MOGAT1: variants seen among roughly 807,000 people sequenced by gnomAD.
The protein encoded by MOGAT1 is monoacylglycerol O-acyltransferase 1, also known as 2-acylglycerol O-acyltransferase 1.
A neutral mutation model predicts 31.4 loss-of-function variants in MOGAT1; 32 were observed. The ratio of observed to expected loss-of-function variants is 1.02; its 90% CI spans 0.77 to 1.37. The LOEUF (loss-of-function observed/expected upper bound fraction) is 1.37, where lower values mean the gene tolerates loss of function less well. Ranked by LOEUF, MOGAT1 falls within the 40% of genes most tolerant of loss-of-function variation. MOGAT1 has a pLI of 0.00. For synonymous variants in MOGAT1, 145 were observed against 144.5 expected (o/e 1.00, Z -0.03); for missense variants, 426 against 402.0 (o/e 1.06, Z -0.51).
intron 1 of MOGAT1, among the ~76,000 whole-genome samples, chr2:222,674,135 C>T (rs1426375771): frequency 1.3e-5 from 2 of 152,214 alleles, no homozygotes; most frequent in African/African-American, 2.4e-5. Flanking sequence ...CACATGTGAC[C>T]GCATGTGAGT....
chr2:222,674,987 A>G (rs945850266), intron 1 of MOGAT1, among the ~76,000 whole-genome samples: 3 of 152,304 alleles, frequency 2.0e-5, no homozygotes, highest in African/African-American at 7.2e-5. Context: ...CACTTTTACT[A>G]GCAATTTCTT....
chr2:222,690,556 C>T (rs1692743904), intron 3 of MOGAT1, among the ~76,000 whole-genome samples: 1 of 151,588 alleles, frequency 6.6e-6, no homozygotes, highest in African/African-American at 2.4e-5. Context: ...TACTCCGTCT[C>T]AAAAAAGAAA....
chr2:222,693,339 A>G (rs113509509), intron 3 of MOGAT1, among the ~76,000 whole-genome samples: 2,090 of 152,322 alleles, frequency 0.014, 23 homozygotes, highest in Non-Finnish European at 0.021. Flanking sequence ...CCTGAAATAC[A>G]GACCGAACAA....
intron 1 of MOGAT1, chr2:222,678,387 T>C (rs908890266): frequency 1.4e-4 from 22 of 152,254 alleles, no homozygotes; most frequent in Admixed American, 1.3e-3. Context: ...CTATTCCTTG[T>C]TGAAGTATCT....
In MOGAT1 at chr2:222,695,165, A is replaced by T; in HGVS notation, c.730A>T (p.Ile244Phe). Reference protein sequence around the residue: ...KQTDNPEGSWIRTVQNKLQKI... With the variant: ...KQTDNPEGSWFRTVQNKLQKI... Reference sequence around the variant, plus strand: ...AACTGACAACCCTGAAGGATCATGGATTAGAACTGTTCAGAATAAACTGCA... The same window carrying T: ...AACTGACAACCCTGAAGGATCATGGTTTAGAACTGTTCAGAATAAACTGCA... The change falls in exon 5 of 6, where the codon ATT becomes TTT. Residue 244 changes from isoleucine to phenylalanine, a missense_variant. By Grantham distance (21) the Ile-to-Phe change is conservative. Coordinates refer to ENST00000446656, the MANE Select transcript of MOGAT1 (RefSeq NM_058165.3). 6.2e-7 allele frequency: 1 copy of T among 1,613,726 alleles called. No individual in the cohort carries two copies. The highest frequency in any genetic ancestry group is 8.5e-7 in the Non-Finnish European group (1 of 1,179,756).
chr2:222,700,871 C>T (rs1009940136), intron 5 of MOGAT1, among the ~76,000 whole-genome samples: 3 of 152,206 alleles, frequency 2.0e-5, no homozygotes, highest in South Asian at 2.1e-4. Flanking sequence ...GACTCCCTGA[C>T]GTGAATTCTC....
chr2:222,675,924 A>T (rs1434854586), intron 1 of MOGAT1, among the ~76,000 whole-genome samples: 2 of 152,192 alleles, frequency 1.3e-5, no homozygotes, highest in East Asian at 3.8e-4. Flanking sequence ...TTGATACAAT[A>T]GTTACTTCCA....
At chr2:222,682,004 T>A (rs1692587465) in intron 1 of MOGAT1, among the ~76,000 whole-genome samples, 1 of 152,208 alleles carries the variant, frequency 6.6e-6, no homozygotes, top group East Asian at 1.9e-4. Context: ...CGAGGGTAAT[T>A]GCATGTTAAC....
intron 5 of MOGAT1, among the ~76,000 whole-genome samples, chr2:222,703,015 T>C (rs1465772945): frequency 1.3e-5 from 2 of 152,182 alleles, no homozygotes; most frequent in African/African-American, 4.8e-5. Flanking sequence ...CTCTAGCCTC[T>C]TAGGGTCACT....
At chr2:222,675,207 A>C (rs1025177280) in intron 1 of MOGAT1, among the ~76,000 whole-genome samples, 6 of 152,194 alleles carry the variant, frequency 3.9e-5, no homozygotes, top group African/African-American at 1.4e-4. Flanking sequence ...AAAAGATGGA[A>C]GTTAGAGCTA....
intron 5 of MOGAT1, among the ~76,000 whole-genome samples, chr2:222,702,516 T>C (rs976992729): frequency 2.0e-5 from 3 of 152,108 alleles, no homozygotes; most frequent in African/African-American, 4.8e-5. Flanking sequence ...ATAATGCACA[T>C]GTATATACAC....
intron 5 of MOGAT1, among the ~76,000 whole-genome samples, chr2:222,706,202 G>C (rs1477077845): frequency 6.6e-6 from 1 of 152,202 alleles, no homozygotes; most frequent in Non-Finnish European, 1.5e-5. Context: ...GCTGGGCGTG[G>C]TGGCTCACGC....
intron 3 of MOGAT1, among the ~76,000 whole-genome samples, chr2:222,693,664 CT>C (rs1440761668): frequency 6.6e-6 from 1 of 151,958 alleles, no homozygotes; most frequent in East Asian, 1.9e-4. Flanking sequence ...GGAAACTCCT[CT>C]TTATGAAACA....
intron 1 of MOGAT1, among the ~76,000 whole-genome samples, chr2:222,673,542 C>T (rs1692453672): frequency 6.6e-6 from 1 of 152,164 alleles, no homozygotes; most frequent in Admixed American, 6.5e-5. Flanking sequence ...ACTATTCCTA[C>T]ACTCCTGGTA....
rs776650903 is a variant in MOGAT1 at position 222,688,438 on chromosome 2, T to G, written c.189T>G (p.His63Gln). 2 of 1,613,870 alleles carry G rather than the reference T, an allele frequency of 1.2e-6. No homozygotes were observed. The highest frequency in any genetic ancestry group is 1.7e-6 in the Non-Finnish European group (2 of 1,179,824). ...TGATGTGGCTTTACTTTGACTGGCATACCCCAGAGCGAGGAGGCAGGAGAT... is the reference window on the plus strand; with the variant it reads ...TGATGTGGCTTTACTTTGACTGGCAGACCCCAGAGCGAGGAGGCAGGAGAT... ...PYLMWLYFDW[H>Q]TPERGGRRSS... Residue 63 changes from histidine (H) to glutamine (Q), a missense_variant, in exon 2 of 6, where the codon CAT becomes CAG. Transcript: ENST00000446656.
intron 5 of MOGAT1, among the ~76,000 whole-genome samples, chr2:222,704,440 C>T (rs1391396797): frequency 1.3e-5 from 2 of 151,796 alleles, no homozygotes; most frequent in African/African-American, 2.4e-5. Flanking sequence ...CTGGCTAACA[C>T]GGTGAAACCC....
intron 1 of MOGAT1, among the ~76,000 whole-genome samples, chr2:222,686,884 G>A (rs941590079): frequency 3.9e-5 from 6 of 151,972 alleles, no homozygotes; most frequent in East Asian, 1.9e-4. Flanking sequence ...AGGCTGAGGC[G>A]GGTGGATCAC....
At chr2:222,688,686 A>AT (rs111226120) in intron 2 of MOGAT1, among the ~76,000 whole-genome samples, 164 bp downstream of exon 2, 4 of 151,910 alleles carry the variant, frequency 2.6e-5, no homozygotes, top group Admixed American at 1.3e-4. Context: ...AAGAAAACAA[A>AT]TTTTTTTCTC....
In MOGAT1 at chr2:222,694,456, A is replaced by C; in HGVS notation, c.573A>C (p.Glu191Asp). ...ISVIVLGGAKESLDAHPGKFT... is the reference protein window; with the variant it reads ...ISVIVLGGAKDSLDAHPGKFT... ...TCATTGTCCTTGGGGGTGCAAAAGA[A>C]TCACTGGATGCTCATCCTGGAAAGT... Residue 191 changes from glutamate to aspartate, a missense_variant, in exon 4 of 6, where the codon GAA (glutamate) becomes GAC (aspartate). Glu to Asp is a conservative substitution (Grantham distance 45). Coordinates refer to ENST00000446656, the MANE Select transcript of MOGAT1 (RefSeq NM_058165.3). 1 of 1,613,976 alleles carries C rather than the reference A, an allele frequency of 6.2e-7. No individual in the cohort carries two copies.
Sources: allele counts gnomAD v4.1 joint callset (sites outside exome capture counted in the v4.1 genomes callset), GRCh38; gene constraint gnomAD v4.1.1; transcripts MANE v1.5; gene names NCBI Gene and HGNC (gene_info 2026-07-23, HGNC 2026-07-21).